PPP1R3B: variants seen among roughly 807,000 people sequenced by gnomAD.
The protein encoded by PPP1R3B is protein phosphatase 1 regulatory subunit 3B, also known as PP1 subunit R4.
In PPP1R3B, 8 loss-of-function variants were observed where a neutral mutation model predicts 14.6. The observed-to-expected ratio is 0.55, with a 90% CI of 0.32 to 0.99. PPP1R3B has a LOEUF of 0.99. PPP1R3B is among the 50% of genes least tolerant of loss of function. PPP1R3B has a pLI of 0.04. For synonymous variants in PPP1R3B, 169 were observed against 142.0 expected (o/e 1.19, Z -1.35); for missense variants, 452 against 360.1 (o/e 1.26, Z -2.07).
intron 1 of PPP1R3B, among the ~76,000 whole-genome samples, chr8:9,145,619 G>A (rs992052859): frequency 5.9e-5 from 9 of 152,120 alleles, no homozygotes; most frequent in Non-Finnish European, 1.2e-4. Context: ...TGGGGGCTAG[G>A]CTCCCCTAGA....
Position 9,141,049 on chromosome 8 carries a change from C to T in PPP1R3B, c.603G>A (p.Lys201=). 6.2e-7 allele frequency: 1 copy of T among 1,614,182 alleles called. No individual in the cohort carries two copies. The highest frequency in any genetic ancestry group is 1.6e-4 in the Middle Eastern group (1 of 6,062). The change falls in exon 2 of 2, where the codon AAG becomes AAA. Residue 201 remains lysine, a synonymous_variant. Coordinates refer to ENST00000310455, the MANE Select transcript of PPP1R3B (RefSeq NM_024607.4). ...TFSFDISLPE[K]IQSYERMEFA... is the part of the protein sequence containing the mutation. ...ACTCCATTCTTTCATAAGACTGAAT[C>T]TTCTCGGGCAAGCTGATGTCGAAGG... is the stretch of plus-strand genomic sequence containing the variant.
intron 1 of PPP1R3B, among the ~76,000 whole-genome samples, chr8:9,147,456 C>G (rs990501081): frequency 2.0e-5 from 3 of 152,128 alleles, no homozygotes; most frequent in East Asian, 1.9e-4. Flanking sequence ...AGGTTATCTG[C>G]AAGTTCTCTT....
At chr8:9,151,511 C>G (rs1196444682), upstream of PPP1R3B, 16 of 187,398 alleles carry the variant, frequency 8.5e-5, no homozygotes, top group African/African-American at 3.6e-4. Flanking sequence ...GCGCGGTCAC[C>G]TCCTCCCTCC....
At position 9,140,929 on chromosome 8, in the gene PPP1R3B, C is replaced by T. The variant is rs771668872; in HGVS notation, c.723G>A (p.Gln241=). 6.2e-7 allele frequency: 1 copy of T among 1,614,218 alleles called. No individual in the cohort carries two copies. The change falls in exon 2 of 2, where the codon CAG becomes CAA. Residue 241 remains glutamine (Q), a synonymous_variant. Coordinates refer to ENST00000310455, the MANE Select transcript of PPP1R3B (RefSeq NM_024607.4). The part of the protein sequence containing the change: ...RIIRAELKST[Q]GMTKPHSGPD... Reference sequence around the variant, plus strand: ...GTCCACTGTGGGGCTTGGTCATTCCCTGGGTAGATTTTAACTCAGCCCGGA... The same window carrying T: ...GTCCACTGTGGGGCTTGGTCATTCCTTGGGTAGATTTTAACTCAGCCCGGA...
rs1043737677 is a variant in PPP1R3B, at chr8:9,138,295, G to C, written c.*2499C>G. ...TAAAACGTGGTTCTGCCCAGTAACA[G>C]CATAAGGTAAAAATGTGATTTCCCC... On this transcript the variant is annotated 3_prime_UTR_variant, in exon 2 of 2. Coordinates refer to ENST00000310455, the MANE Select transcript of PPP1R3B (RefSeq NM_024607.4). 1.3e-4 allele frequency: 20 copies of C among 152,318 alleles called. No individual in the cohort carries two copies. The highest frequency in any genetic ancestry group is 4.3e-4 in the African/African-American group (18 of 41,576). 9.4% of individuals were successfully genotyped at this position (152,318 alleles called of 1,614,324 possible). A position where few individuals can be genotyped will look rare whatever the true frequency, so the allele number is the denominator to read the frequency against.
intron 1 of PPP1R3B, among the ~76,000 whole-genome samples, chr8:9,144,676 G>T (rs1801181719): frequency 6.6e-6 from 1 of 152,174 alleles, no homozygotes. Flanking sequence ...TAACCTAGGT[G>T]ACCATTAACA....
intron 1 of PPP1R3B, chr8:9,145,459 TTACTA>T (rs1331677911): frequency 6.6e-6 from 1 of 152,240 alleles, no homozygotes; most frequent in Non-Finnish European, 1.5e-5. Context: ...TTAGTTTACT[TTACTA>T]TAAGAATACG....
intron 1 of PPP1R3B, among the ~76,000 whole-genome samples, chr8:9,144,185 C>CT (rs1007236802): frequency 0.042 from 5,722 of 135,076 alleles, 223 homozygotes; most frequent in South Asian, 0.17. Context: ...ACAAGTTTTT[C>CT]TTTTTTTTTT....
intron 1 of PPP1R3B, among the ~76,000 whole-genome samples, chr8:9,144,047 GA>G (rs1372125637): frequency 2.6e-5 from 4 of 151,550 alleles, no homozygotes; most frequent in South Asian, 2.1e-4. Flanking sequence ...GAAAATTCAT[GA>G]AAAAAAATTT....
rs755989940 is a variant in PPP1R3B at position 9,140,808 on chromosome 8, C to G, written c.844G>C (p.Gly282Arg). ...WPSYLGYEKL[G>R]PYY ...ACCTGCAGTCACTAGTAGTAGGGCCCTAGCTTTTCATATCCTAAGTAACTT... is the reference window on the plus strand; with the variant it reads ...ACCTGCAGTCACTAGTAGTAGGGCCGTAGCTTTTCATATCCTAAGTAACTT... The change falls in exon 2 of 2, where the codon GGG becomes CGG. Residue 282 changes from glycine (G) to arginine (R), a missense_variant. Physicochemically the swap from Gly to Arg is moderately radical, Grantham distance 125. Coordinates refer to ENST00000310455, the MANE Select transcript of PPP1R3B (RefSeq NM_024607.4). 6.2e-7 allele frequency: 1 copy of G among 1,614,052 alleles called. No homozygotes were observed. Among genetic ancestry groups the G allele is most frequent in the African/African-American group, 1.3e-5 (1 of 75,048 alleles).
rs1248232116 is a variant in PPP1R3B at position 9,141,554 on chromosome 8, G to A, written c.98C>T (p.Pro33Leu). Residue 33 changes from proline to leucine, a missense_variant, in exon 2 of 2, where the codon CCA becomes CTA. By Grantham distance (98) the Pro-to-Leu change is moderately conservative (BLOSUM62 -3). Coordinates refer to ENST00000310455, the MANE Select transcript of PPP1R3B (RefSeq NM_024607.4). ...AFKISPKPSK[P>L]LRPCIQLSSK... The stretch of plus-strand genomic sequence containing the variant: ...GCTCAGCTGAATACAAGGCCTCAGT[G>A]GTTTGCTGGGCTTTGGTGAGATCTT... 1 of 1,614,134 alleles carries A rather than the reference G, an allele frequency of 6.2e-7. No homozygotes were observed. The highest frequency in any genetic ancestry group is 1.7e-5 in the Admixed American group (1 of 60,016).
At position 9,137,107 on chromosome 8, in the gene PPP1R3B, G is replaced by A. The variant is rs891639978; in HGVS notation, c.*3687C>T. 2 of 152,084 alleles carry A rather than the reference G, an allele frequency of 1.3e-5. No homozygotes were observed. The highest frequency in any genetic ancestry group is 4.8e-5 in the African/African-American group (2 of 41,416). 9.4% of individuals were successfully genotyped at this position (152,084 alleles called of 1,614,324 possible). On this transcript the variant is annotated 3_prime_UTR_variant, in exon 2 of 2. Coordinates refer to ENST00000310455, the MANE Select transcript of PPP1R3B (RefSeq NM_024607.4). Reference sequence around the variant, plus strand: ...TAAATTAAATTCTCCCATTGACTCTGACATTGTTTTAATTTCTGGAGAACT... The same window carrying A: ...TAAATTAAATTCTCCCATTGACTCTAACATTGTTTTAATTTCTGGAGAACT...
At chr8:9,145,627 A>G (rs1001720963) in intron 1 of PPP1R3B, among the ~76,000 whole-genome samples, 1 of 152,318 alleles carries the variant, frequency 6.6e-6, no homozygotes, top group Non-Finnish European at 1.5e-5. Flanking sequence ...AGGCTCCCCT[A>G]GACTCCATGT....
Position 9,140,692 on chromosome 8 carries a change from G to A in PPP1R3B, c.*102C>T. On this transcript the variant is annotated 3_prime_UTR_variant, in exon 2 of 2. Transcript: ENST00000310455. ...TTATTTTCCCAAACGGGGCCTCATG[G>A]AAGTTCCACGTTGCTCCTCCCTGGC... 2 of 1,258,920 alleles carry A rather than the reference G, an allele frequency of 1.6e-6. No homozygotes were observed. The highest frequency in any genetic ancestry group is 2.4e-5 in the East Asian group (1 of 42,442). The allele number at this position is 1,258,920 out of a possible 1,614,324, so 78.0% of individuals were successfully genotyped here.
chr8:9,141,014 T>C lies in PPP1R3B; in HGVS notation c.638A>G (p.Tyr213Cys), dbSNP rs36051920. The C allele has an allele frequency of 1.2e-6, 2 of 1,614,136 alleles. No individual in the cohort carries two copies. Among genetic ancestry groups the C allele is most frequent in the South Asian group, 1.1e-5 (1 of 91,092 alleles). Reference protein sequence around the residue: ...QSYERMEFAVYYECNGQTYWD... With the variant: ...QSYERMEFAVCYECNGQTYWD... ...GTACGTCTGTCCATTGCACTCGTAG[T>C]ACACAGCAAACTCCATTCTTTCATA... The change falls in exon 2 of 2, where the codon TAC becomes TGC. Residue 213 changes from tyrosine to cysteine, a missense_variant. Tyr to Cys is a radical substitution (Grantham distance 194, BLOSUM62 -2). Coordinates refer to ENST00000310455, the MANE Select transcript of PPP1R3B (RefSeq NM_024607.4).
chr8:9,146,920 T>G (rs1801257764), intron 1 of PPP1R3B, among the ~76,000 whole-genome samples: 1 of 152,196 alleles, frequency 6.6e-6, no homozygotes, highest in African/African-American at 2.4e-5. Flanking sequence ...TTTGCAAAAC[T>G]GTGCTGGAAT....
Position 9,138,618 on chromosome 8 carries a change from G to A in PPP1R3B, c.*2176C>T, listed in dbSNP as rs535773881. On this transcript the variant is annotated 3_prime_UTR_variant, in exon 2 of 2. Coordinates refer to ENST00000310455, the MANE Select transcript of PPP1R3B (RefSeq NM_024607.4). ...ATGGGAGGTCTTTTCAAATTAATCT[G>A]GAAAATCCAAGCACAAGACTCTTAG... The A allele has an allele frequency of 5.5e-4, 84 of 152,226 alleles. No individual in the cohort carries two copies. Among genetic ancestry groups the A allele is most frequent in the African/African-American group, 1.9e-3 (81 of 41,548 alleles). The allele number at this position is 152,226 out of a possible 1,614,324, so 9.4% of individuals were successfully genotyped here.
chr8:9,144,907 A>C (rs1801191333), intron 1 of PPP1R3B, among the ~76,000 whole-genome samples: 1 of 152,052 alleles, frequency 6.6e-6, no homozygotes, highest in Non-Finnish European at 1.5e-5. Flanking sequence ...CACCACGCCC[A>C]GCTAATTTTT....
Position 9,136,826 on chromosome 8 carries a change from T to C in PPP1R3B, c.*3968A>G, listed in dbSNP as rs1443564895. The C allele has an allele frequency of 6.6e-6, 1 of 152,162 alleles. No individual in the cohort carries two copies. The highest frequency in any genetic ancestry group is 1.5e-5 in the Non-Finnish European group (1 of 68,016). 9.4% of individuals were successfully genotyped at this position (152,162 alleles called of 1,614,324 possible). On this transcript the variant is annotated 3_prime_UTR_variant, in exon 2 of 2. Coordinates refer to ENST00000310455, the MANE Select transcript of PPP1R3B (RefSeq NM_024607.4). Reference sequence around the variant, plus strand: ...GAGAAATTTTAGAAGAGGAAACAAATAAAAGGCAACCAAGGTTTTCATCCC... The same window carrying C: ...GAGAAATTTTAGAAGAGGAAACAAACAAAAGGCAACCAAGGTTTTCATCCC...
Sources: gnomAD v4.1 joint callset for allele counts (sites outside exome capture counted in the v4.1 genomes callset) on GRCh38, gnomAD v4.1.1 for gene constraint, MANE v1.5 for transcripts, NCBI Gene and HGNC (gene_info 2026-07-23, HGNC 2026-07-21) for gene names.